The following PKIB variants were observed in gnomAD, a reference collection of about 807,000 sequenced individuals.
PKIB encodes the protein cAMP-dependent protein kinase inhibitor beta.
Under a neutral mutation model 4.5 loss-of-function variants are expected in PKIB, and 2 were observed. The ratio of observed to expected loss-of-function variants is 0.44; its 90% CI spans 0.18 to 1.39. The LOEUF is 1.39. PKIB is among the 40% of genes most tolerant of loss of function. The pLI is 0.27. For synonymous variants in PKIB, 38 were observed against 36.0 expected, an observed-to-expected ratio of 1.06 and a Z score of -0.20; for missense variants, 94 against 92.6, an observed-to-expected ratio of 1.02 and a Z score of -0.06.
intron 1 of PKIB, among the ~76,000 whole-genome samples, chr6:122,474,028 G>A (rs1169996655): frequency 6.6e-6 from 1 of 152,212 alleles, no homozygotes; most frequent in Non-Finnish European, 1.5e-5. Flanking sequence ...AGCTACTCAG[G>A]AGGCTGAGGC....
intron 3 of PKIB, among the ~76,000 whole-genome samples, chr6:122,675,740 C>T (rs955624848): frequency 6.6e-6 from 1 of 151,946 alleles, no homozygotes. Flanking sequence ...TCAAGACAAG[C>T]ACACATTTTC....
At position 122,596,235 on chromosome 6, in the gene PKIB, G is replaced by A. The variant is rs565052753; in HGVS notation, c.-161+10228G>A. On this transcript the variant is annotated intron_variant, in intron 3 of 6. Transcript: ENST00000392491. ...TCTAATGCTACAGCTGTCCACTTAC[G>A]GGTGGTGCCAGCCTGTCATGCAGAA... Among the ~76,000 whole-genome samples, 11 of 152,264 alleles carry A rather than the reference G, an allele frequency of 7.2e-5. No individual in the cohort carries two copies. The East Asian group carries it at 9.7e-4, about 13-fold the overall frequency.
intron 3 of PKIB, among the ~76,000 whole-genome samples, chr6:122,691,633 G>A (rs2115001526): frequency 6.6e-6 from 1 of 152,072 alleles, no homozygotes; most frequent in South Asian, 2.1e-4. Flanking sequence ...CCTCAAAACA[G>A]CTAATTTGAA....
intron 2 of PKIB, among the ~76,000 whole-genome samples, chr6:122,555,195 A>C (rs942403186): frequency 6.6e-6 from 1 of 152,202 alleles, no homozygotes; most frequent in Admixed American, 6.5e-5. Flanking sequence ...TCAGAAAATA[A>C]AGGATATTTG....
At chr6:122,594,833 C>T (rs1315627844) in intron 3 of PKIB, among the ~76,000 whole-genome samples, 1 of 152,196 alleles carries the variant, frequency 6.6e-6, no homozygotes, top group East Asian at 1.9e-4. Flanking sequence ...CCTAATGGAT[C>T]TCCTGTATTC....
At chr6:122,713,013 G>A (rs756916707) in intron 3 of PKIB, among the ~76,000 whole-genome samples, 4 of 151,894 alleles carry the variant, frequency 2.6e-5, no homozygotes, top group Non-Finnish European at 4.4e-5. Flanking sequence ...TGAACATCTC[G>A]TCCTCTTGAG....
chr6:122,574,639 A>T (rs992268673), intron 2 of PKIB, among the ~76,000 whole-genome samples: 2 of 152,090 alleles, frequency 1.3e-5, no homozygotes, highest in African/African-American at 2.4e-5. Context: ...TCGACAAAGC[A>T]TACAAAAACA....
intron 1 of PKIB, among the ~76,000 whole-genome samples, chr6:122,616,765 T>C (rs1775009492): frequency 6.6e-6 from 1 of 151,498 alleles, no homozygotes; most frequent in African/African-American, 2.4e-5. Context: ...AGGAAACTAC[T>C]GTTTATTGAG....
intron 2 of PKIB, among the ~76,000 whole-genome samples, chr6:122,540,451 A>G (rs1777558583): frequency 6.6e-6 from 1 of 151,952 alleles, no homozygotes; most frequent in South Asian, 2.1e-4. Context: ...CAGTAGTCAT[A>G]CAGGAGCAGG....
At chr6:122,501,663 A>T (rs911064115) in intron 2 of PKIB, among the ~76,000 whole-genome samples, 2 of 152,118 alleles carry the variant, frequency 1.3e-5, no homozygotes, top group African/African-American at 4.8e-5. Context: ...GGCCCATGAA[A>T]CCATTTTTCC....
chr6:122,544,082 C>T (rs912435954), intron 2 of PKIB, among the ~76,000 whole-genome samples: 2 of 151,756 alleles, frequency 1.3e-5, no homozygotes, highest in Non-Finnish European at 2.9e-5. Flanking sequence ...ATACCATAAT[C>T]AAATCAATAC....
chr6:122,705,999 A>G (rs1779041755), intron 3 of PKIB, among the ~76,000 whole-genome samples: 1 of 151,936 alleles, frequency 6.6e-6, no homozygotes, highest in Non-Finnish European at 1.5e-5. Flanking sequence ...GCTCCAACTC[A>G]TTTTTCCAAC....
At chr6:122,600,503 C>G (rs151174350) in intron 3 of PKIB, among the ~76,000 whole-genome samples, 11 of 152,312 alleles carry the variant, frequency 7.2e-5, no homozygotes, top group Non-Finnish European at 1.5e-4. Flanking sequence ...GGGATTAGTT[C>G]TTGTTCCTTG....
At chr6:122,611,446 T>C (rs1774751657) in intron 1 of PKIB, among the ~76,000 whole-genome samples, 1 of 152,106 alleles carries the variant, frequency 6.6e-6, no homozygotes, top group South Asian at 2.1e-4. Context: ...CAGGTGGTAG[T>C]GTTATTAGCT....
At chr6:122,524,251 CT>C (rs1236252839) in intron 2 of PKIB, among the ~76,000 whole-genome samples, 12 of 141,356 alleles carry the variant, frequency 8.5e-5, no homozygotes, top group African/African-American at 3.2e-4. Flanking sequence ...CCTTCTTTTT[CT>C]TTTCCTCTTC....
At chr6:122,503,674 G>A (rs1418271072) in intron 2 of PKIB, among the ~76,000 whole-genome samples, 1 of 152,116 alleles carries the variant, frequency 6.6e-6, no homozygotes, top group Admixed American at 6.5e-5. Context: ...GGTATTACAA[G>A]GCAAAGTGAA....
At chr6:122,506,394 G>A (rs558564394) in intron 2 of PKIB, among the ~76,000 whole-genome samples, 19 of 152,158 alleles carry the variant, frequency 1.2e-4, no homozygotes, top group South Asian at 1.2e-3. Context: ...TTTTAAACCC[G>A]AATATGAGTT....
At chr6:122,484,066 C>A (rs35028980) in intron 2 of PKIB, 1 of 152,058 alleles carries the variant, frequency 6.6e-6, no homozygotes, top group East Asian at 1.9e-4. Flanking sequence ...ATCACCTAAC[C>A]TAGTGCTTGA....
intron 3 of PKIB, among the ~76,000 whole-genome samples, chr6:122,600,635 A>G (rs1218635048): frequency 6.6e-6 from 1 of 152,216 alleles, no homozygotes; most frequent in Non-Finnish European, 1.5e-5. Context: ...ACTACCTCAC[A>G]AAACTTAATA....
Sources: gnomAD v4.1 joint callset for allele counts (sites outside exome capture counted in the v4.1 genomes callset) on GRCh38, gnomAD v4.1.1 for gene constraint, MANE v1.5 for transcripts, NCBI Gene and HGNC (gene_info 2026-07-23, HGNC 2026-07-21) for gene names.